Variants in KDM4C observed in about 807,000 individuals in gnomAD.
KDM4C encodes lysine demethylase 4C.
KDM4C carries 81 observed loss-of-function variants against 129.3 expected under a neutral mutation model. The ratio of observed to expected loss-of-function variants is 0.63; its 90% CI spans 0.52 to 0.75. The LOEUF is 0.75. KDM4C is among the 30% of genes least tolerant of loss of function. KDM4C has a pLI of 0.00. For missense variants in KDM4C, 1,457 were observed against 1,304.0 expected (o/e 1.12, Z -1.81); for synonymous variants, 573 against 456.1 (o/e 1.26, Z -3.26).
intron 1 of KDM4C, among the ~76,000 whole-genome samples, chr9:6,732,407 A>AAGG (rs1817379590): frequency 7.9e-6 from 1 of 126,696 alleles, no homozygotes; most frequent in Non-Finnish European, 1.6e-5. Flanking sequence ...AAAAAGAATG[A>AAGG]GGCCGGAAGT....
intron 1 of KDM4C, among the ~76,000 whole-genome samples, chr9:6,740,642 C>T (rs570395727): frequency 1.1e-4 from 17 of 152,248 alleles, no homozygotes; most frequent in African/African-American, 2.2e-4. Context: ...CCTCAGCCTC[C>T]GGAGTAGCTG....
chr9:6,782,044 C>G (rs368591338), intron 1 of KDM4C, among the ~76,000 whole-genome samples: 1 of 151,910 alleles, frequency 6.6e-6, no homozygotes, highest in Non-Finnish European at 1.5e-5. Flanking sequence ...CGGCTGGTCT[C>G]GAACTCCTGA....
intron 4 of KDM4C, among the ~76,000 whole-genome samples, chr9:6,843,388 G>A (rs531483828): frequency 6.6e-5 from 10 of 152,346 alleles, no homozygotes; most frequent in Non-Finnish European, 1.0e-4. Flanking sequence ...TTTCACTTGT[G>A]TTTTGTAATC....
chr9:6,965,228 G>A (rs1432594103), intron 8 of KDM4C, among the ~76,000 whole-genome samples: 1 of 150,924 alleles, frequency 6.6e-6, no homozygotes, highest in Admixed American at 6.6e-5. Flanking sequence ...CTTAACACAA[G>A]GCAAATTGCA....
In KDM4C at chr9:7,049,119, G is replaced by A. The variant is rs777268010; in HGVS notation, c.2343G>A (p.Ala781=). Reference sequence around the variant, plus strand: ...GGGCCCATGTCATGTGCGCCGTTGCGGTCCCAGAAGTTCGATTCACTAATG... The same window carrying A: ...GGGCCCATGTCATGTGCGCCGTTGCAGTCCCAGAAGTTCGATTCACTAATG... ...NKWAHVMCAV[A]VPEVRFTNVP... Residue 781 remains alanine (A), a synonymous_variant, in exon 17 of 22, where the codon GCG becomes GCA. Coordinates refer to ENST00000381309, the MANE Select transcript of KDM4C (RefSeq NM_015061.6). 61 of 1,612,216 alleles carry A rather than the reference G, an allele frequency of 3.8e-5. No individual in the cohort carries two copies. The highest frequency in any genetic ancestry group is 4.4e-5 in the Non-Finnish European group (52 of 1,178,790).
Position 7,156,610 on chromosome 9 carries a change from A to C in KDM4C, c.2782-8628A>C, listed in dbSNP as rs545894598. ...CCCAGCACCATTTATTAAATAGGGA[A>C]TCCTTTCCCCATTTCTTGTTTTTGT... is the stretch of plus-strand genomic sequence containing the variant. On this transcript the variant is annotated intron_variant, in intron 19 of 21. Transcript: ENST00000381309. Among the ~76,000 whole-genome samples the C allele has an allele frequency of 2.2e-4, 34 of 152,316 alleles. No homozygotes were observed. In the East Asian group the frequency reaches 5.8e-3, roughly 26 times the overall value.
At chr9:6,911,871 G>C (rs1227301148) in intron 8 of KDM4C, among the ~76,000 whole-genome samples, 2 of 152,246 alleles carry the variant, frequency 1.3e-5, no homozygotes, top group African/African-American at 4.8e-5. Flanking sequence ...TGCCTGAGGG[G>C]GTAAACACCC....
intron 8 of KDM4C, among the ~76,000 whole-genome samples, chr9:6,975,282 T>C (rs1162173617): frequency 6.6e-6 from 1 of 152,218 alleles, no homozygotes; most frequent in Non-Finnish European, 1.5e-5. Flanking sequence ...CATGATATCA[T>C]GCATAGAAAG....
At chr9:6,923,125 A>G (rs1417451941) in intron 8 of KDM4C, among the ~76,000 whole-genome samples, 1 of 151,952 alleles carries the variant, frequency 6.6e-6, no homozygotes, top group Non-Finnish European at 1.5e-5. Flanking sequence ...TTTACTCTTT[A>G]CGGGTTTGTA....
intron 19 of KDM4C, among the ~76,000 whole-genome samples, chr9:7,164,520 G>A (rs746871210): frequency 1.3e-5 from 2 of 152,168 alleles, no homozygotes; most frequent in African/African-American, 2.4e-5. Context: ...AACAGGAGAT[G>A]CTGGCAGAAG....
chr9:7,095,132 C>T (rs986256942), intron 17 of KDM4C, among the ~76,000 whole-genome samples: 5 of 152,222 alleles, frequency 3.3e-5, no homozygotes, highest in Non-Finnish European at 5.9e-5. Flanking sequence ...GATAGAGGTG[C>T]TTGAAACTCA....
At chr9:6,943,697 CAAAT>C (rs1826374541) in intron 8 of KDM4C, among the ~76,000 whole-genome samples, 1 of 151,732 alleles carries the variant, frequency 6.6e-6, no homozygotes, top group Non-Finnish European at 1.5e-5. Flanking sequence ...AAAGGTTGCA[CAAAT>C]AATTATCTGC....
intron 15 of KDM4C, among the ~76,000 whole-genome samples, chr9:7,036,722 A>G (rs1263690238): frequency 6.6e-6 from 1 of 152,184 alleles, no homozygotes; most frequent in Non-Finnish European, 1.5e-5. Context: ...CAATATTTTC[A>G]GTTGGTTAGA....
At chr9:6,869,397 A>G (rs891788323) in intron 5 of KDM4C, among the ~76,000 whole-genome samples, 31 of 152,242 alleles carry the variant, frequency 2.0e-4, no homozygotes, top group African/African-American at 7.5e-4. Context: ...ACAAGGCAAG[A>G]GGACTGGCAT....
intron 17 of KDM4C, among the ~76,000 whole-genome samples, chr9:7,060,134 G>A (rs1459337280): frequency 6.6e-6 from 1 of 151,370 alleles, no homozygotes; most frequent in Non-Finnish European, 1.5e-5. Flanking sequence ...CTTATCAGGT[G>A]GAAGGGAATA....
chr9:6,949,603 C>T (rs1319264205), intron 8 of KDM4C, among the ~76,000 whole-genome samples: 1 of 152,228 alleles, frequency 6.6e-6, no homozygotes, highest in African/African-American at 2.4e-5. Flanking sequence ...CCTCGGGAGG[C>T]CGAGGCTGGC....
intron 8 of KDM4C, among the ~76,000 whole-genome samples, chr9:6,939,565 A>C (rs1232552502): frequency 6.6e-6 from 1 of 152,240 alleles, no homozygotes; most frequent in Non-Finnish European, 1.5e-5. Flanking sequence ...GCCTTAAAGC[A>C]TGCTGGGATT....
At chr9:6,965,262 C>T (rs550500009) in intron 8 of KDM4C, among the ~76,000 whole-genome samples, 1 of 151,436 alleles carries the variant, frequency 6.6e-6, no homozygotes, top group East Asian at 1.9e-4. Context: ...TCTAAAACCA[C>T]ATATCAATTT....
intron 11 of KDM4C, among the ~76,000 whole-genome samples, chr9:6,987,250 C>G (rs1311375342): frequency 2.0e-5 from 3 of 152,142 alleles, no homozygotes; most frequent in Non-Finnish European, 2.9e-5. Context: ...ATCTCAGGAC[C>G]AGGGTGACCT....
Sources: allele counts gnomAD v4.1 joint callset (sites outside exome capture counted in the v4.1 genomes callset), GRCh38; gene constraint gnomAD v4.1.1; transcripts MANE v1.5; gene names NCBI Gene and HGNC (gene_info 2026-07-23, HGNC 2026-07-21).